The following TMC1 variants were observed in gnomAD, a reference collection of about 807,000 sequenced individuals.
TMC1 encodes the protein transmembrane channel-like protein 1.
TMC1 carries 84 observed loss-of-function variants against 105.8 expected under a neutral mutation model. That is an observed-to-expected ratio of 0.79 (90% CI 0.67 to 0.95). The LOEUF is 0.95. TMC1 is among the 40% of genes least tolerant of loss of function. The pLI is 0.00. For missense variants in TMC1, 817 were observed against 914.1 expected (o/e 0.89, Z 1.37); for synonymous variants, 315 against 311.5 (o/e 1.01, Z -0.12).
At chr9:72,749,473 T>G (rs557889636) in intron 10 of TMC1, among the ~76,000 whole-genome samples, 1 of 152,068 alleles carries the variant, frequency 6.6e-6, no homozygotes, top group Admixed American at 6.6e-5. Flanking sequence ...TACCAGAGAA[T>G]GTAGATAACG....
chr9:72,611,489 G>T (rs1185216921), intron 2 of TMC1, among the ~76,000 whole-genome samples: 1 of 152,094 alleles, frequency 6.6e-6, no homozygotes, highest in African/African-American at 2.4e-5. Context: ...TTAGGTCCCT[G>T]TTGTTTGATA....
At chr9:72,751,741 C>G in intron 10 of TMC1, 109 bp from the exon 11 acceptor site, 1 of 751,862 alleles carries the variant, frequency 1.3e-6, no homozygotes, top group Admixed American at 1.9e-5. Flanking sequence ...TAAAAAGGAC[C>G]AATGCCTCAC....
chr9:72,797,478 G>T (rs929826684), intron 17 of TMC1, among the ~76,000 whole-genome samples: 1 of 152,112 alleles, frequency 6.6e-6, no homozygotes, highest in Non-Finnish European at 1.5e-5. Context: ...ATACTACAGG[G>T]CCACAGTACT....
At chr9:72,698,857 T>A (rs1292526114) in intron 7 of TMC1, among the ~76,000 whole-genome samples, 3 of 152,078 alleles carry the variant, frequency 2.0e-5, no homozygotes, top group Non-Finnish European at 2.9e-5. Flanking sequence ...GTGATAAGGA[T>A]TCACTTGCAG....
chr9:72,720,320 A>T (rs2117943494), intron 8 of TMC1, among the ~76,000 whole-genome samples: 1 of 152,350 alleles, frequency 6.6e-6, no homozygotes, highest in South Asian at 2.1e-4. Context: ...CCAAATTAAA[A>T]TGCTCAAATC....
At chr9:72,760,680 T>C (rs1207396912) in intron 12 of TMC1, among the ~76,000 whole-genome samples, 1 of 152,116 alleles carries the variant, frequency 6.6e-6, no homozygotes, top group Admixed American at 6.5e-5. Flanking sequence ...TTATTCCACA[T>C]AGAGGCAGGT....
At chr9:72,706,782 T>C (rs941320491) in intron 8 of TMC1, among the ~76,000 whole-genome samples, 1 of 151,552 alleles carries the variant, frequency 6.6e-6, no homozygotes, top group African/African-American at 2.4e-5. Flanking sequence ...TTCTTTCTTT[T>C]TTTTTTTTTT....
intron 2 of TMC1, among the ~76,000 whole-genome samples, chr9:72,610,337 A>T (rs1825003420): frequency 6.6e-6 from 1 of 152,184 alleles, no homozygotes; most frequent in Non-Finnish European, 1.5e-5. Flanking sequence ...GTGGAGGCTG[A>T]CAAGTCTCAA....
chr9:72,595,306 C>T (rs886701528), intron 2 of TMC1, among the ~76,000 whole-genome samples: 10 of 152,154 alleles, frequency 6.6e-5, no homozygotes, highest in African/African-American at 2.4e-4. Flanking sequence ...ACTTCATAGA[C>T]CCCGACCAGC....
chr9:72,767,308 A>G (rs1191146753), intron 12 of TMC1, among the ~76,000 whole-genome samples: 8 of 152,254 alleles, frequency 5.3e-5, no homozygotes, highest in Non-Finnish European at 7.3e-5. Flanking sequence ...AATTAAAAAG[A>G]GTTACTAAGA....
chr9:72,549,872 G>A (rs575830991), intron 1 of TMC1, among the ~76,000 whole-genome samples: 3 of 151,610 alleles, frequency 2.0e-5, no homozygotes, highest in Admixed American at 1.3e-4. Context: ...TTGGCCTCCC[G>A]AAGTGCTGGG....
At chr9:72,783,227 C>T (rs1016970177) in intron 13 of TMC1, among the ~76,000 whole-genome samples, 14 of 151,940 alleles carry the variant, frequency 9.2e-5, no homozygotes, top group African/African-American at 2.9e-4. Context: ...CGTGTTAGGC[C>T]GTCTGCAAGC....
At chr9:72,582,234 G>A (rs1824487461) in intron 2 of TMC1, among the ~76,000 whole-genome samples, 1 of 152,222 alleles carries the variant, frequency 6.6e-6, no homozygotes, top group Non-Finnish European at 1.5e-5. Flanking sequence ...TGGGATTACA[G>A]GCGTGAGCCA....
intron 18 of TMC1, among the ~76,000 whole-genome samples, chr9:72,811,609 G>T (rs1196801218): frequency 2.6e-5 from 4 of 152,082 alleles, no homozygotes; most frequent in Non-Finnish European, 5.9e-5. Context: ...GAATATTCAA[G>T]AAGAAATAGA....
intron 1 of TMC1, among the ~76,000 whole-genome samples, chr9:72,548,645 A>C (rs1289259024): frequency 6.6e-6 from 1 of 150,854 alleles, no homozygotes; most frequent in Non-Finnish European, 1.5e-5. Context: ...CTTTTCCGGG[A>C]GTTGTATTTT....
At chr9:72,835,919 T>C in intron 23 of TMC1, 32 bp from the exon 24 acceptor site, 1 of 1,444,514 alleles carries the variant, frequency 6.9e-7, no homozygotes, top group Non-Finnish European at 9.3e-7. Flanking sequence ...CTCCTTGTTT[T>C]TTTTTTTTTT....
intron 4 of TMC1, among the ~76,000 whole-genome samples, chr9:72,638,442 G>T (rs1371478842): frequency 1.3e-5 from 2 of 151,992 alleles, no homozygotes; most frequent in East Asian, 1.9e-4. Flanking sequence ...TGTACCTCTC[G>T]CAGTGTCCAC....
intron 17 of TMC1, among the ~76,000 whole-genome samples, chr9:72,800,023 C>CTTT (rs1828443843): frequency 6.6e-6 from 1 of 152,106 alleles, no homozygotes; most frequent in Admixed American, 6.6e-5. Flanking sequence ...GCCTCAGAAA[C>CTTT]TGAAAAAGAA....
intron 5 of TMC1, among the ~76,000 whole-genome samples, chr9:72,687,707 G>C (rs1826400216): frequency 1.3e-5 from 2 of 152,082 alleles, no homozygotes; most frequent in South Asian, 4.1e-4. Flanking sequence ...TGCCCATCAA[G>C]TTCTGAATAA....
Sources: gnomAD v4.1 joint callset for allele counts (sites outside exome capture counted in the v4.1 genomes callset) on GRCh38, gnomAD v4.1.1 for gene constraint, MANE v1.5 for transcripts, NCBI Gene and HGNC (gene_info 2026-07-23, HGNC 2026-07-21) for gene names.